Variants in RAD18 observed in about 807,000 individuals in gnomAD.
RAD18 encodes RAD18 E3 ubiquitin protein ligase, also known as E3 ubiquitin-protein ligase RAD18.
Under a neutral mutation model 60.4 loss-of-function variants are expected in RAD18, and 47 were observed. The ratio of observed to expected loss-of-function variants is 0.78; its 90% CI spans 0.62 to 0.99. RAD18 has a LOEUF of 0.99. Ranked by LOEUF, RAD18 falls within the 50% of genes least tolerant of loss-of-function variation. The pLI is 0.00. For missense variants in RAD18, 640 were observed against 593.3 expected (o/e 1.08, Z -0.82); for synonymous variants, 225 against 195.5 (o/e 1.15, Z -1.26).
At chr3:8,956,592 G>GT (rs1309312375) in intron 2 of RAD18, among the ~76,000 whole-genome samples, 1 of 152,124 alleles carries the variant, frequency 6.6e-6, no homozygotes, top group Non-Finnish European at 1.5e-5. Flanking sequence ...AAGCCAGTCT[G>GT]TAACAAAGCC....
intron 6 of RAD18, 77 bp from the exon 7 acceptor site, chr3:8,936,132 G>A: frequency 7.6e-7 from 1 of 1,318,586 alleles, no homozygotes; most frequent in South Asian, 1.6e-5. Flanking sequence ...AATAAATTCT[G>A]ATTCAACACC....
In RAD18 at chr3:8,880,372, G is replaced by A. The variant is rs1939436237; in HGVS notation, c.*985C>T. The A allele has an allele frequency of 6.6e-6, 1 of 152,244 alleles. No homozygotes were observed. The highest frequency in any genetic ancestry group is 1.5e-5 in the Non-Finnish European group (1 of 68,028). The allele number at this position is 152,244 out of a possible 1,614,324, so 9.4% of individuals were successfully genotyped here. On this transcript the variant is annotated 3_prime_UTR_variant, in exon 13 of 13. Transcript: ENST00000264926. ...ATTTGAAAGCTGATGTGTTTGGGTT[G>A]GGTGATGGCAGAGGGGTGGGAGTTG...
intron 12 of RAD18, chr3:8,890,013 A>C: frequency 4.8e-6 from 1 of 210,278 alleles, no homozygotes; most frequent in Non-Finnish European, 9.7e-6. Context: ...GCAATATGCT[A>C]TACCCTAGAG....
At chr3:8,917,655 C>A (rs1940230402) in intron 7 of RAD18, among the ~76,000 whole-genome samples, 1 of 150,288 alleles carries the variant, frequency 6.7e-6, no homozygotes, top group Non-Finnish European at 1.5e-5. Flanking sequence ...AGTAATAAGA[C>A]AATAATAGAA....
At position 8,963,349 on chromosome 3, in the gene RAD18, G is replaced by C; in HGVS notation, c.37C>G (p.Leu13Val). 2 of 1,611,742 alleles carry C rather than the reference G, an allele frequency of 1.2e-6. No individual in the cohort carries two copies. Among genetic ancestry groups the C allele is most frequent in the Non-Finnish European group, 1.7e-6 (2 of 1,179,012 alleles). Residue 13 changes from leucine to valine, a missense_variant, in exon 1 of 13, where the codon CTG becomes GTG. Leu to Val is a conservative substitution (Grantham distance 32). Transcript: ENST00000264926. ...GAAGCACTCACCTTCATGACTGCCA[G>C]GCCCGGAGGCCACCGAGACTCGGCC... ...SLAESRWPPGLAVMKTIDDLL... is the reference protein window; with the variant it reads ...SLAESRWPPGVAVMKTIDDLL...
chr3:8,928,285 T>A (rs774058461), intron 7 of RAD18, among the ~76,000 whole-genome samples: 3 of 151,802 alleles, frequency 2.0e-5, no homozygotes, highest in African/African-American at 4.8e-5. Flanking sequence ...AACAAAAGAA[T>A]GATAGAACAG....
In RAD18 at chr3:8,933,181, T is replaced by C. The variant is rs140874332; in HGVS notation, c.889+2690A>G. ...ACATGGAAAAATCTCAAAAGTATTA[T>C]GCTAAGTGACAGATACCATATGTAA... On this transcript the variant is annotated intron_variant, in intron 7 of 12. Coordinates refer to ENST00000264926, the MANE Select transcript of RAD18 (RefSeq NM_020165.4). Among the ~76,000 whole-genome samples the C allele has an allele frequency of 1.9e-3, 293 of 152,254 alleles. 2 individuals are homozygous for C. The highest frequency in any genetic ancestry group is 6.3e-3 in the African/African-American group (263 of 41,572).
rs1262753278 is a variant in RAD18 at position 8,878,443 on chromosome 3, A to C, written c.*2914T>G. ...ATGTTCATACTTTCATAATATGTAC[A>C]TAACAGACAGAAGTGTTTCTCATTT... On this transcript the variant is annotated 3_prime_UTR_variant, in exon 13 of 13. Transcript: ENST00000264926. 2 of 152,228 alleles carry C rather than the reference A, an allele frequency of 1.3e-5. No individual in the cohort carries two copies. The highest frequency in any genetic ancestry group is 2.9e-5 in the Non-Finnish European group (2 of 68,042). 9.4% of individuals were successfully genotyped at this position (152,228 alleles called of 1,614,324 possible).
intron 7 of RAD18, among the ~76,000 whole-genome samples, chr3:8,928,163 G>T (rs1480870003): frequency 6.7e-6 from 1 of 149,212 alleles, no homozygotes; most frequent in Non-Finnish European, 1.5e-5. Context: ...TAGTAAACTA[G>T]AACAATCACC....
chr3:8,910,156 G>A (rs1342421581), intron 9 of RAD18, among the ~76,000 whole-genome samples: 2 of 152,224 alleles, frequency 1.3e-5, no homozygotes, highest in African/African-American at 4.8e-5. Context: ...GAGGCTAGGG[G>A]TGGCCCTAGG....
chr3:8,937,542 T>C (rs888326394), intron 6 of RAD18, among the ~76,000 whole-genome samples: 1 of 152,112 alleles, frequency 6.6e-6, no homozygotes, highest in Non-Finnish European at 1.5e-5. Context: ...ATTCAGCAGA[T>C]GGCCTGTCAG....
At chr3:8,947,016 A>T in intron 4 of RAD18, 1 of 522,008 alleles carries the variant, frequency 1.9e-6, no homozygotes, top group African/African-American at 2.0e-5. Flanking sequence ...TAATTATTCT[A>T]TACTACAGGA....
At chr3:8,885,182 T>A (rs1221236915) in intron 12 of RAD18, among the ~76,000 whole-genome samples, 1 of 152,200 alleles carries the variant, frequency 6.6e-6, no homozygotes, top group Non-Finnish European at 1.5e-5. Context: ...TGTGTGGCTC[T>A]CCTTGCCTCA....
intron 3 of RAD18, among the ~76,000 whole-genome samples, chr3:8,947,540 C>A (rs1333017908): frequency 1.3e-5 from 2 of 152,188 alleles, no homozygotes; most frequent in East Asian, 3.8e-4. Flanking sequence ...ATACTCTGTA[C>A]TGACTACAAT....
intron 7 of RAD18, among the ~76,000 whole-genome samples, chr3:8,919,537 T>C (rs1402568969): frequency 2.0e-5 from 3 of 152,218 alleles, no homozygotes; most frequent in Non-Finnish European, 4.4e-5. Context: ...CCTTGAAACA[T>C]GTAAGTGTAC....
intron 9 of RAD18, among the ~76,000 whole-genome samples, chr3:8,904,121 T>C (rs1010014028): frequency 2.2e-4 from 34 of 152,168 alleles, no homozygotes; most frequent in Admixed American, 3.9e-4. Context: ...AAGAAGCCAG[T>C]TTTTTGCTCA....
chr3:8,946,340 C>A (rs1384334839), intron 4 of RAD18, among the ~76,000 whole-genome samples: 1 of 152,182 alleles, frequency 6.6e-6, no homozygotes, highest in Non-Finnish European at 1.5e-5. Flanking sequence ...GTAGGCTATA[C>A]CATGTTGGTT....
At chr3:8,908,296 G>C (rs1359624255) in intron 9 of RAD18, among the ~76,000 whole-genome samples, 1 of 135,386 alleles carries the variant, frequency 7.4e-6, no homozygotes. Flanking sequence ...TTTTCTAAGT[G>C]AGAGAGTTTT....
At chr3:8,932,893 C>T (rs565478400) in intron 7 of RAD18, among the ~76,000 whole-genome samples, 2 of 152,138 alleles carry the variant, frequency 1.3e-5, no homozygotes, top group East Asian at 3.9e-4. Context: ...GTCAGGAATT[C>T]AAGACTAGCC....
Sources: gnomAD v4.1 joint callset for allele counts (sites outside exome capture counted in the v4.1 genomes callset) on GRCh38, gnomAD v4.1.1 for gene constraint, MANE v1.5 for transcripts, NCBI Gene and HGNC (gene_info 2026-07-23, HGNC 2026-07-21) for gene names.